AFG1L: variants seen among roughly 807,000 people sequenced by gnomAD.
AFG1L encodes AFG1-like ATPase.
In AFG1L, 53 loss-of-function variants were observed where a neutral mutation model predicts 62.2. The observed-to-expected ratio is 0.85, with a 90% CI of 0.68 to 1.07. The LOEUF (loss-of-function observed/expected upper bound fraction) is 1.07, where lower values mean the gene tolerates loss of function less well. Among genes scored for constraint, AFG1L ranks in the 50% least tolerant of loss-of-function variants. The probability of loss-of-function intolerance (pLI) is 0.00; values close to 1 mark genes in which losing one functional copy is unlikely to be tolerated. For missense variants in AFG1L, 555 were observed against 590.5 expected (o/e 0.94, Z 0.62); for synonymous variants, 228 against 210.3 (o/e 1.08, Z -0.73).
intron 6 of AFG1L, among the ~76,000 whole-genome samples, chr6:108,378,459 C>T (rs1780346905): frequency 6.6e-6 from 1 of 152,144 alleles, no homozygotes; most frequent in South Asian, 2.1e-4. Flanking sequence ...GCTGGGATTA[C>T]AGGCACATGC....
chr6:108,368,305 C>T (rs1439508334), intron 6 of AFG1L, among the ~76,000 whole-genome samples: 1 of 151,960 alleles, frequency 6.6e-6, no homozygotes. Context: ...ATTTCTATGT[C>T]TTTAGCCATT....
intron 1 of AFG1L, among the ~76,000 whole-genome samples, chr6:108,316,410 C>T (rs1457162551): frequency 7.0e-6 from 1 of 142,924 alleles, no homozygotes; most frequent in African/African-American, 2.6e-5. Context: ...AAAAAAAAAT[C>T]GGAAAGTTGT....
chr6:108,469,024 T>A (rs1772785740), intron 8 of AFG1L, among the ~76,000 whole-genome samples: 1 of 152,158 alleles, frequency 6.6e-6, no homozygotes. Flanking sequence ...TGTCTTTATT[T>A]TGGGTCTTTG....
intron 7 of AFG1L, among the ~76,000 whole-genome samples, chr6:108,412,402 G>T (rs1028586963): frequency 3.9e-5 from 6 of 152,064 alleles, no homozygotes; most frequent in Admixed American, 2.0e-4. Flanking sequence ...TCAAATTCAG[G>T]AAATACAGAG....
intron 2 of AFG1L, 46 bp downstream of exon 2, chr6:108,324,094 C>A: frequency 7.1e-7 from 1 of 1,414,852 alleles, no homozygotes; most frequent in Non-Finnish European, 9.8e-7. Context: ...AAAGTGTAAG[C>A]ATTTTCTAAA....
At chr6:108,516,231 A>G (rs1321201031) in intron 11 of AFG1L, among the ~76,000 whole-genome samples, 3 of 152,242 alleles carry the variant, frequency 2.0e-5, no homozygotes, top group Admixed American at 1.3e-4. Context: ...TCCCTGATGA[A>G]CATCAATGCA....
chr6:108,509,175 C>G (rs920387768), intron 10 of AFG1L, among the ~76,000 whole-genome samples: 2 of 152,174 alleles, frequency 1.3e-5, no homozygotes, highest in Non-Finnish European at 2.9e-5. Context: ...GATTGTGTTC[C>G]TAATGTTCAG....
chr6:108,495,408 C>T (rs543330289), intron 10 of AFG1L, among the ~76,000 whole-genome samples: 1 of 152,128 alleles, frequency 6.6e-6, no homozygotes, highest in Non-Finnish European at 1.5e-5. Flanking sequence ...CCTACTTCAG[C>T]TGAAATAATG....
At chr6:108,462,131 G>A (rs1279627228) in intron 8 of AFG1L, among the ~76,000 whole-genome samples, 1 of 152,016 alleles carries the variant, frequency 6.6e-6, no homozygotes, top group Non-Finnish European at 1.5e-5. Context: ...GCTGGGTGCA[G>A]TGGCTCATGC....
At chr6:108,510,504 T>C in intron 11 of AFG1L, 152 bp downstream of exon 11, 4 of 637,624 alleles carry the variant, frequency 6.3e-6, no homozygotes, top group Non-Finnish European at 1.0e-5. Context: ...ATGATAATAT[T>C]ATTTACTTCT....
intron 6 of AFG1L, among the ~76,000 whole-genome samples, chr6:108,383,688 TC>T (rs1780641302): frequency 6.6e-6 from 1 of 152,066 alleles, no homozygotes; most frequent in African/African-American, 2.4e-5. Flanking sequence ...AGTTTACAGA[TC>T]TTGAGGGGCA....
rs1771090640 is a variant in AFG1L at position 108,431,821 on chromosome 6, TG to T, written c.808-15392del. Among the ~76,000 whole-genome samples, 11 of 151,154 alleles carry T rather than the reference TG, an allele frequency of 7.3e-5. No individual in the cohort carries two copies. The South Asian group carries it at 2.3e-3, about 32-fold the overall frequency. Reference sequence around the variant, plus strand: ...CTGGTCTCGAACTCCTGACCTCAAGTGATCCACCTGCCTCGGCCTCCCAAAG... The same window carrying T: ...CTGGTCTCGAACTCCTGACCTCAAGTATCCACCTGCCTCGGCCTCCCAAAG... On this transcript the variant is annotated intron_variant, in intron 7 of 12. Transcript: ENST00000368977.
intron 11 of AFG1L, among the ~76,000 whole-genome samples, chr6:108,517,507 A>G (rs1236336591): frequency 6.6e-6 from 1 of 152,232 alleles, no homozygotes; most frequent in Non-Finnish European, 1.5e-5. Context: ...TTAATTCAAG[A>G]TGGATTAAAG....
chr6:108,519,915 A>G, intron 12 of AFG1L, 105 bp downstream of exon 12: 1 of 608,192 alleles, frequency 1.6e-6, no homozygotes, highest in South Asian at 2.2e-5. Context: ...ATAGTTAACC[A>G]TTGATTGGCG....
At chr6:108,482,372 AT>A (rs1044245901) in intron 10 of AFG1L, among the ~76,000 whole-genome samples, 2 of 152,134 alleles carry the variant, frequency 1.3e-5, no homozygotes, top group African/African-American at 4.8e-5. Flanking sequence ...AATAGATTCT[AT>A]TTTTTAGAAC....
chr6:108,378,698 TTGG>T (rs1343723270), intron 6 of AFG1L, among the ~76,000 whole-genome samples: 2 of 152,192 alleles, frequency 1.3e-5, no homozygotes, highest in African/African-American at 4.8e-5. Context: ...GTGAAATTTT[TTGG>T]TGGTGTCACT....
At chr6:108,397,465 C>G (rs978230784) in intron 6 of AFG1L, among the ~76,000 whole-genome samples, 1 of 152,138 alleles carries the variant, frequency 6.6e-6, no homozygotes, top group African/African-American at 2.4e-5. Flanking sequence ...CCATGTTGGC[C>G]AGGCTGGTCT....
intron 8 of AFG1L, among the ~76,000 whole-genome samples, chr6:108,465,260 T>C (rs1772618593): frequency 6.6e-6 from 1 of 152,212 alleles, no homozygotes; most frequent in Non-Finnish European, 1.5e-5. Flanking sequence ...AAGAAAATCA[T>C]GTTAAATTTA....
rs148236883 is a variant in AFG1L at position 108,470,991 on chromosome 6, T to A, written c.891-5874T>A. 4.0e-3 allele frequency among the ~76,000 whole-genome samples: 609 copies of A among 152,296 alleles called. 7 individuals are homozygous for A. The highest frequency in any genetic ancestry group is 0.014 in the African/African-American group (589 of 41,554). On this transcript the variant is annotated intron_variant, in intron 8 of 12. Coordinates refer to ENST00000368977, the MANE Select transcript of AFG1L (RefSeq NM_145315.5). Reference sequence around the variant, plus strand: ...TGCAGAGCTCATTGTATGTATCTCTTCATTTGGCTGTGTATTTATTTTCTT... The same window carrying A: ...TGCAGAGCTCATTGTATGTATCTCTACATTTGGCTGTGTATTTATTTTCTT...
Sources: gnomAD v4.1 joint callset for allele counts (sites outside exome capture counted in the v4.1 genomes callset) on GRCh38, gnomAD v4.1.1 for gene constraint, MANE v1.5 for transcripts, NCBI Gene and HGNC (gene_info 2026-07-23, HGNC 2026-07-21) for gene names.